The following EYS variants were observed in gnomAD, a reference collection of about 807,000 sequenced individuals.
The protein encoded by EYS is EGF-like photoreceptor maintenance factor, also known as protein eyes shut homolog.
EYS carries 250 observed loss-of-function variants against 282.1 expected under a neutral mutation model. That is an observed-to-expected ratio of 0.89 (90% CI 0.80 to 0.98). EYS has a LOEUF of 0.98. Among genes scored for constraint, EYS ranks in the 50% least tolerant of loss-of-function variants. EYS has a pLI of 0.00. For missense variants in EYS, 4,016 were observed against 3,709.0 expected (o/e 1.08, Z -2.15); for synonymous variants, 1,355 against 1,282.9 (o/e 1.06, Z -1.20).
At chr6:65,162,942 T>G (rs577678055) in intron 12 of EYS, among the ~76,000 whole-genome samples, 1 of 151,190 alleles carries the variant, frequency 6.6e-6, no homozygotes, top group South Asian at 2.1e-4. Context: ...TGTGTCTGTG[T>G]GTTCCCAACC....
intron 12 of EYS, among the ~76,000 whole-genome samples, chr6:65,224,329 C>T (rs1225409504): frequency 1.3e-5 from 2 of 151,910 alleles, no homozygotes; most frequent in African/African-American, 4.8e-5. Flanking sequence ...GCAGCAATCA[C>T]AAAGTAAATT....
chr6:64,098,938 A>T (rs1772731036), intron 31 of EYS, among the ~76,000 whole-genome samples: 1 of 152,172 alleles, frequency 6.6e-6, no homozygotes, highest in African/African-American at 2.4e-5. Context: ...TAGCGGGCAT[A>T]CAAATTATTG....
At chr6:64,218,612 C>A (rs192206767) in intron 31 of EYS, among the ~76,000 whole-genome samples, 2 of 152,144 alleles carry the variant, frequency 1.3e-5, no homozygotes, top group Non-Finnish European at 2.9e-5. Context: ...CAGCTCTTCG[C>A]CTACTGTCAG....
chr6:63,721,795 C>G lies in EYS; in HGVS notation c.8236G>C (p.Asp2746His), dbSNP rs1349879153. Residue 2746 changes from aspartate to histidine, a missense_variant and splice_region_variant, in exon 43 of 43, where the codon GAT becomes CAT. By Grantham distance (81) the Asp-to-His change is moderately conservative. Transcript: ENST00000503581. ...TTTACTAAAGAGATGCATAAAAAAT[C>G]ACCTGCAAGAAAGCAAACAGTAAGT... is the stretch of plus-strand genomic sequence containing the variant. ...AAQHLKAQSG[D>H]FLCISLVNSS... 6.5e-7 allele frequency: 1 copy of G among 1,539,100 alleles called. No individual in the cohort carries two copies. The highest frequency in any genetic ancestry group is 2.5e-5 in the East Asian group (1 of 40,790).
chr6:64,868,147 T>A (rs1215868868), intron 19 of EYS, among the ~76,000 whole-genome samples: 1 of 151,476 alleles, frequency 6.6e-6, no homozygotes, highest in African/African-American at 2.4e-5. Flanking sequence ...ATTTTTATTT[T>A]AAAAAATCAC....
intron 31 of EYS, among the ~76,000 whole-genome samples, chr6:64,141,504 CT>C (rs1355829815): frequency 1.3e-5 from 2 of 151,822 alleles, no homozygotes; most frequent in South Asian, 2.1e-4. Context: ...GAAACAGCCT[CT>C]TTTTTTATTT....
At chr6:64,832,295 C>A (rs1009457380) in intron 19 of EYS, among the ~76,000 whole-genome samples, 1 of 151,774 alleles carries the variant, frequency 6.6e-6, no homozygotes, top group Non-Finnish European at 1.5e-5. Flanking sequence ...TAATATAATG[C>A]AGAAAATAGC....
At chr6:64,749,796 T>G (rs1484480679) in intron 22 of EYS, among the ~76,000 whole-genome samples, 1 of 152,176 alleles carries the variant, frequency 6.6e-6, no homozygotes, top group Non-Finnish European at 1.5e-5. Context: ...ACAATCACTG[T>G]GCCATTGTGT....
At position 64,727,486 on chromosome 6, in the gene EYS, C is replaced by T. The variant is rs935693328; in HGVS notation, c.3443+85892G>A. 3.9e-5 allele frequency among the ~76,000 whole-genome samples: 6 copies of T among 152,258 alleles called. No homozygotes were observed. The East Asian group carries it at 9.7e-4, about 25-fold the overall frequency. ...TATCATCAAACGGTAGCCATATCAC[C>T]TACCAGTTCCTCAGGGAACACATGT... On this transcript the variant is annotated intron_variant, in intron 22 of 42. Transcript: ENST00000503581.
At chr6:65,654,522 C>T (rs1273383882) in intron 1 of EYS, among the ~76,000 whole-genome samples, 1 of 151,660 alleles carries the variant, frequency 6.6e-6, no homozygotes, top group Non-Finnish European at 1.5e-5. Flanking sequence ...TTTGACCTGC[C>T]ACTGTAAGGT....
chr6:65,475,137 A>C (rs1015316075), intron 5 of EYS, among the ~76,000 whole-genome samples: 3 of 148,444 alleles, frequency 2.0e-5, no homozygotes, highest in Admixed American at 1.4e-4. Context: ...ACCACCTCCT[A>C]GTTCAACTGT....
intron 26 of EYS, among the ~76,000 whole-genome samples, chr6:64,552,209 A>G (rs1765105098): frequency 6.6e-6 from 1 of 152,242 alleles, no homozygotes; most frequent in Non-Finnish European, 1.5e-5. Context: ...ACTAAAACAG[A>G]AACCTTAAGA....
intron 31 of EYS, among the ~76,000 whole-genome samples, chr6:64,164,718 C>T (rs571055173): frequency 2.6e-4 from 39 of 152,136 alleles, no homozygotes; most frequent in African/African-American, 8.9e-4. Flanking sequence ...GGGCTTTTGC[C>T]GAGGACCTCA....
intron 22 of EYS, among the ~76,000 whole-genome samples, chr6:64,630,167 C>G (rs2149860209): frequency 6.6e-6 from 1 of 152,286 alleles, no homozygotes; most frequent in Admixed American, 6.5e-5. Context: ...ACGATCTCGG[C>G]TCACTGCAAA....
intron 22 of EYS, among the ~76,000 whole-genome samples, chr6:64,761,533 T>A (rs545606911): frequency 4.6e-4 from 70 of 152,336 alleles, no homozygotes; most frequent in African/African-American, 1.7e-3. Flanking sequence ...CAGGCTGGAA[T>A]GCAACCTCTG....
At chr6:64,855,343 T>C (rs2150044611) in intron 19 of EYS, among the ~76,000 whole-genome samples, 1 of 152,290 alleles carries the variant, frequency 6.6e-6, no homozygotes, top group Non-Finnish European at 1.5e-5. Flanking sequence ...TATGATTGAC[T>C]GTTTTATGTC....
chr6:64,420,999 C>T (rs1774213354), intron 28 of EYS, among the ~76,000 whole-genome samples: 1 of 152,178 alleles, frequency 6.6e-6, no homozygotes, highest in South Asian at 2.1e-4. Context: ...GTCGCTTCCA[C>T]ATTTTCAGGT....
chr6:64,619,267 C>T (rs1002529283), intron 23 of EYS, among the ~76,000 whole-genome samples: 1 of 152,182 alleles, frequency 6.6e-6, no homozygotes, highest in African/African-American at 2.4e-5. Flanking sequence ...CATAGTTTTC[C>T]TTTGCTTCTC....
chr6:64,404,373 G>A (rs1371806250), intron 28 of EYS, among the ~76,000 whole-genome samples: 1 of 75,054 alleles, frequency 1.3e-5, no homozygotes, highest in Non-Finnish European at 3.0e-5. Flanking sequence ...GTAATATAGA[G>A]TGTGAGAGTG....
Sources: allele counts gnomAD v4.1 joint callset (sites outside exome capture counted in the v4.1 genomes callset), GRCh38; gene constraint gnomAD v4.1.1; transcripts MANE v1.5; gene names NCBI Gene and HGNC (gene_info 2026-07-23, HGNC 2026-07-21).